The following FHAD1 variants were observed in gnomAD, a reference collection of about 807,000 sequenced individuals.
FHAD1 encodes the protein forkhead associated phosphopeptide binding domain 1, also known as forkhead-associated domain-containing protein 1.
FHAD1 carries 146 observed loss-of-function variants against 191.3 expected under a neutral mutation model. That is an observed-to-expected ratio of 0.76 (90% CI 0.67 to 0.88). The LOEUF (loss-of-function observed/expected upper bound fraction) is 0.88, where lower values mean the gene tolerates loss of function less well. Ranked by LOEUF, FHAD1 falls within the 40% of genes least tolerant of loss-of-function variation. The probability of loss-of-function intolerance (pLI) is 0.00; values close to 1 mark genes in which losing one functional copy is unlikely to be tolerated. For missense variants in FHAD1, 1,635 were observed against 1,785.8 expected (o/e 0.92, Z 1.52); for synonymous variants, 616 against 672.3 (o/e 0.92, Z 1.29).
chr1:15,346,303 A>G (rs1688905321), intron 18 of FHAD1, among the ~76,000 whole-genome samples: 1 of 152,242 alleles, frequency 6.6e-6, no homozygotes, highest in African/African-American at 2.4e-5. Flanking sequence ...CTTTGAATTC[A>G]TAAAATCTAT....
chr1:15,345,594 G>C (rs999711323), intron 18 of FHAD1, 71 bp downstream of exon 18: 2 of 1,198,664 alleles, frequency 1.7e-6, no homozygotes, highest in South Asian at 1.3e-5. Flanking sequence ...AGTTCAGAGC[G>C]GCGATGATGG....
At chr1:15,291,103 T>C (rs1664578252) in intron 4 of FHAD1, among the ~76,000 whole-genome samples, 1 of 147,646 alleles carries the variant, frequency 6.8e-6, no homozygotes. Context: ...AACATTTTAC[T>C]ATACTCTTTT....
intron 16 of FHAD1, among the ~76,000 whole-genome samples, chr1:15,342,366 A>G (rs998991670): frequency 6.6e-6 from 1 of 152,220 alleles, no homozygotes; most frequent in African/African-American, 2.4e-5. Context: ...GAACGTGCCC[A>G]TGAATTGTCT....
At chr1:15,389,659 T>C (rs942322722) in intron 32 of FHAD1, among the ~76,000 whole-genome samples, 1 of 152,140 alleles carries the variant, frequency 6.6e-6, no homozygotes, top group African/African-American at 2.4e-5. Context: ...ACTGTTGCTT[T>C]GGGAGAACAG....
intron 12 of FHAD1, chr1:15,328,039 AAAAAAAAAGAAAAG>A: frequency 8.2e-6 from 2 of 244,222 alleles, no homozygotes; most frequent in South Asian, 3.0e-4. Context: ...GTCGCAAAAA[AAAAAAAAAGAAAAG>A]AAAAAAGAAA....
At chr1:15,392,491 C>T (rs951694733) in intron 33 of FHAD1, among the ~76,000 whole-genome samples, 36 of 151,994 alleles carry the variant, frequency 2.4e-4, no homozygotes, top group African/African-American at 8.2e-4. Flanking sequence ...GAGATTGCGC[C>T]ACTGCACTCC....
intron 2 of FHAD1, among the ~76,000 whole-genome samples, chr1:15,261,475 C>G (rs905853961): frequency 1.1e-4 from 17 of 152,162 alleles, no homozygotes; most frequent in Non-Finnish European, 2.5e-4. Flanking sequence ...GTCAGTGCAC[C>G]GAGGGGAACT....
chr1:15,355,587 T>C (rs1692446053), intron 20 of FHAD1, among the ~76,000 whole-genome samples: 1 of 152,202 alleles, frequency 6.6e-6, no homozygotes, highest in Non-Finnish European at 1.5e-5. Flanking sequence ...TTCACAGCTC[T>C]TCAAAGAAAC....
chr1:15,352,256 T>C (rs1211304961), intron 19 of FHAD1, among the ~76,000 whole-genome samples: 1 of 152,198 alleles, frequency 6.6e-6, no homozygotes, highest in Non-Finnish European at 1.5e-5. Flanking sequence ...TTTCAACAGC[T>C]GCAGATAGAG....
intron 14 of FHAD1, among the ~76,000 whole-genome samples, chr1:15,338,636 G>A (rs754630478): frequency 6.6e-6 from 1 of 152,128 alleles, no homozygotes; most frequent in Non-Finnish European, 1.5e-5. Context: ...GCGCACCCCT[G>A]TTCTGAAGCG....
intron 21 of FHAD1, 72 bp from the exon 22 acceptor site, chr1:15,360,406 C>A: frequency 1.5e-6 from 2 of 1,358,344 alleles, no homozygotes; most frequent in Admixed American, 2.0e-5. Flanking sequence ...TATGTGTGTG[C>A]CCAGGGGGCA....
At chr1:15,299,355 A>G (rs1042557450) in intron 5 of FHAD1, among the ~76,000 whole-genome samples, 3 of 152,130 alleles carry the variant, frequency 2.0e-5, no homozygotes, top group Middle Eastern at 3.2e-3. Flanking sequence ...CAGTTTCTCC[A>G]CTGTTTCCCT....
At chr1:15,377,562 G>A (rs1699955168) in intron 28 of FHAD1, among the ~76,000 whole-genome samples, 1 of 152,266 alleles carries the variant, frequency 6.6e-6, no homozygotes, top group Non-Finnish European at 1.5e-5. Flanking sequence ...AAGGGGCCAA[G>A]CACAGTGGCT....
intron 22 of FHAD1, among the ~76,000 whole-genome samples, chr1:15,362,023 G>A (rs1268311189): frequency 2.7e-5 from 4 of 148,790 alleles, no homozygotes; most frequent in African/African-American, 5.0e-5. Flanking sequence ...AAAAGAAAGA[G>A]AGAGATTGAG....
chr1:15,349,158 A>G lies in FHAD1; in HGVS notation c.2454+9A>G. 2 of 1,538,292 alleles carry G rather than the reference A, an allele frequency of 1.3e-6. No homozygotes were observed. Among genetic ancestry groups the G allele is most frequent in the Non-Finnish European group, 1.8e-6 (2 of 1,134,906 alleles). On this transcript the variant is annotated intron_variant, in intron 19 of 33. Transcript: ENST00000688493. ...TAACCCAACAGAAGGAGGTATGAGC[A>G]GCAGCAGGAAAGAATCCTCTGGAAG... is the stretch of plus-strand genomic sequence containing the variant.
At chr1:15,340,891 C>G (rs1340736081) in intron 15 of FHAD1, among the ~76,000 whole-genome samples, 1 of 152,048 alleles carries the variant, frequency 6.6e-6, no homozygotes, top group Admixed American at 6.5e-5. Context: ...TCCAATAAAA[C>G]TTTATTTACG....
chr1:15,258,769 A>C (rs1649579259), intron 2 of FHAD1, among the ~76,000 whole-genome samples: 1 of 151,610 alleles, frequency 6.6e-6, no homozygotes, highest in African/African-American at 2.4e-5. Flanking sequence ...TGTATTTTTA[A>C]TAGAGACTGG....
intron 33 of FHAD1, among the ~76,000 whole-genome samples, chr1:15,393,608 T>C (rs939548274): frequency 1.5e-5 from 2 of 130,874 alleles, no homozygotes; most frequent in South Asian, 4.6e-4. Context: ...AGTCTTGGGC[T>C]TTTTTTTTTT....
intron 27 of FHAD1, 66 bp from the exon 28 acceptor site, chr1:15,375,537 A>G: frequency 2.1e-6 from 3 of 1,413,028 alleles, no homozygotes; most frequent in Middle Eastern, 2.2e-4. Context: ...AATAGTTGCT[A>G]TGGTTATTAC....
Sources: allele counts gnomAD v4.1 joint callset (sites outside exome capture counted in the v4.1 genomes callset), GRCh38; gene constraint gnomAD v4.1.1; transcripts MANE v1.5; gene names NCBI Gene and HGNC (gene_info 2026-07-23, HGNC 2026-07-21).